The following ADCY8 variants were observed in gnomAD, a reference collection of about 807,000 sequenced individuals.
The protein encoded by ADCY8 is adenylate cyclase 8.
A neutral mutation model predicts 119.7 loss-of-function variants in ADCY8; 51 were observed. The observed-to-expected ratio is 0.43, with a 90% CI of 0.34 to 0.54. The LOEUF is 0.54. Among genes scored for constraint, ADCY8 ranks in the 20% least tolerant of loss-of-function variants. ADCY8 has a pLI of 0.03. For missense variants in ADCY8, 1,383 were observed against 1,598.8 expected, an observed-to-expected ratio of 0.87 and a Z score of 2.30; for synonymous variants, 665 against 651.0, an observed-to-expected ratio of 1.02 and a Z score of -0.33.
chr8:130,981,687 T>C (rs1242547519), intron 2 of ADCY8, among the ~76,000 whole-genome samples: 1 of 152,188 alleles, frequency 6.6e-6, no homozygotes, highest in Non-Finnish European at 1.5e-5. Context: ...TGTCTTTGAA[T>C]CAAGGGTAGC....
chr8:130,969,162 A>G (rs1821849536), intron 2 of ADCY8, among the ~76,000 whole-genome samples: 1 of 152,132 alleles, frequency 6.6e-6, no homozygotes, highest in Non-Finnish European at 1.5e-5. Context: ...AAATTGATGG[A>G]CTTTGAGGAA....
intron 16 of ADCY8, among the ~76,000 whole-genome samples, chr8:130,784,257 G>GC (rs11406601): frequency 1 from 152,244 of 152,244 alleles, 76,122 homozygotes; most frequent in Non-Finnish European, 1. Flanking sequence ...TGTATGTGTA[G>GC]TTTTCCAGTC....
At chr8:130,833,952 A>G (rs936360643) in intron 12 of ADCY8, among the ~76,000 whole-genome samples, 4 of 152,204 alleles carry the variant, frequency 2.6e-5, no homozygotes, top group African/African-American at 9.6e-5. Flanking sequence ...GTTAGACAAG[A>G]GAAATAAATT....
chr8:130,785,505 C>T (rs777964051), intron 15 of ADCY8, 30 bp from the exon 16 acceptor site: 19 of 1,548,382 alleles, frequency 1.2e-5, no homozygotes, highest in Non-Finnish European at 1.6e-5. Flanking sequence ...TGGTGTTAGC[C>T]CTGGTGTTTA....
intron 17 of ADCY8, 100 bp from the exon 18 acceptor site, chr8:130,780,977 C>G: frequency 6.7e-7 from 1 of 1,485,824 alleles, no homozygotes; most frequent in Non-Finnish European, 9.1e-7. Flanking sequence ...TGTGGGGTCT[C>G]TGTGGATGAA....
At position 131,012,161 on chromosome 8, in the gene ADCY8, G is replaced by A. The variant is rs375447953; in HGVS notation, c.961-21619C>T. On this transcript the variant is annotated intron_variant, in intron 1 of 17. Transcript: ENST00000286355. ...AGAGTCCCACTGAACTCTAAACCAT[G>A]ACTTTCACCTGAGCATGTTGGGTTC... Among the ~76,000 whole-genome samples the A allele has an allele frequency of 6.1e-4, 93 of 152,056 alleles. 1 individual carries two copies. The highest frequency in any genetic ancestry group is 2.1e-3 in the African/African-American group (87 of 41,548).
At chr8:130,820,417 A>G (rs1816471828) in intron 13 of ADCY8, among the ~76,000 whole-genome samples, 1 of 152,184 alleles carries the variant, frequency 6.6e-6, no homozygotes, top group Admixed American at 6.5e-5. Context: ...GACCACAGAA[A>G]GATGGACCAA....
At position 130,895,831 on chromosome 8, in the gene ADCY8, A is replaced by G. The variant is rs551488854; in HGVS notation, c.1911+7941T>C. On this transcript the variant is annotated intron_variant, in intron 7 of 17. Coordinates refer to ENST00000286355, the MANE Select transcript of ADCY8 (RefSeq NM_001115.3). ...GAAAAATATGCCTGTGATTCTCTGC[A>G]TATTTATATTGAATATGGACAATTA... Among the ~76,000 whole-genome samples the G allele has an allele frequency of 9.2e-5, 14 of 152,302 alleles. No homozygotes were observed. In the South Asian group the frequency reaches 2.9e-3, roughly 32 times the overall value.
chr8:131,010,366 C>T (rs1823262191), intron 1 of ADCY8, among the ~76,000 whole-genome samples: 1 of 152,148 alleles, frequency 6.6e-6, no homozygotes, highest in Admixed American at 6.5e-5. Flanking sequence ...GAACCAGGTT[C>T]AGAGTTCTGT....
chr8:130,906,991 T>C (rs897852875), intron 6 of ADCY8, among the ~76,000 whole-genome samples: 1 of 152,020 alleles, frequency 6.6e-6, no homozygotes, highest in Non-Finnish European at 1.5e-5. Context: ...AGTGCTGGAT[T>C]GAGACAAGAA....
chr8:130,890,934 A>G (rs537093938), intron 7 of ADCY8, among the ~76,000 whole-genome samples: 4 of 152,254 alleles, frequency 2.6e-5, no homozygotes, highest in Admixed American at 1.3e-4. Context: ...GTGTGGGCCA[A>G]CTCATTGCTG....
chr8:130,949,986 T>C (rs949266346), intron 3 of ADCY8, among the ~76,000 whole-genome samples: 14 of 152,192 alleles, frequency 9.2e-5, no homozygotes, highest in Non-Finnish European at 5.9e-5. Flanking sequence ...CCTATCCTGC[T>C]ATGCCCGCTG....
At chr8:130,869,972 T>TCTC (rs1326994770) in intron 8 of ADCY8, among the ~76,000 whole-genome samples, 1 of 146,152 alleles carries the variant, frequency 6.8e-6, no homozygotes, top group African/African-American at 2.6e-5. Context: ...CCTTCTTCCT[T>TCTC]CTTCCTCCTC....
intron 5 of ADCY8, among the ~76,000 whole-genome samples, chr8:130,917,144 C>T (rs376216030): frequency 1.2e-4 from 19 of 152,132 alleles, no homozygotes; most frequent in Non-Finnish European, 1.0e-4. Flanking sequence ...GATTAAGATG[C>T]GGTTATTACC....
intron 16 of ADCY8, among the ~76,000 whole-genome samples, chr8:130,784,997 C>A (rs531653615): frequency 6.6e-6 from 1 of 152,048 alleles, no homozygotes; most frequent in South Asian, 2.1e-4. Flanking sequence ...AGTCAACACT[C>A]CAAAAAGCAG....
chr8:130,983,153 C>T (rs1042294882), intron 2 of ADCY8, among the ~76,000 whole-genome samples: 9 of 152,192 alleles, frequency 5.9e-5, no homozygotes, highest in African/African-American at 2.2e-4. Flanking sequence ...AGGTACTCAA[C>T]AATGGATGGT....
intron 1 of ADCY8, among the ~76,000 whole-genome samples, chr8:131,023,037 A>G (rs1411673812): frequency 6.6e-6 from 1 of 152,196 alleles, no homozygotes; most frequent in African/African-American, 2.4e-5. Flanking sequence ...GCCACACACA[A>G]TCGGAATGAC....
At chr8:131,018,445 G>A (rs772379066) in intron 1 of ADCY8, among the ~76,000 whole-genome samples, 3 of 152,244 alleles carry the variant, frequency 2.0e-5, no homozygotes, top group Non-Finnish European at 2.9e-5. Flanking sequence ...CTCCCCAGGG[G>A]TTCTGTTCAT....
intron 1 of ADCY8, among the ~76,000 whole-genome samples, chr8:131,036,539 T>C (rs1347418617): frequency 1.3e-5 from 2 of 152,214 alleles, no homozygotes; most frequent in South Asian, 2.1e-4. Flanking sequence ...CTATTTATGA[T>C]AGACAACATC....
Sources: allele counts gnomAD v4.1 joint callset (sites outside exome capture counted in the v4.1 genomes callset), GRCh38; gene constraint gnomAD v4.1.1; transcripts MANE v1.5; gene names NCBI Gene and HGNC (gene_info 2026-07-23, HGNC 2026-07-21).